RIMS2: variants seen among roughly 807,000 people sequenced by gnomAD.
The protein encoded by RIMS2 is regulating synaptic membrane exocytosis protein 2.
A neutral mutation model predicts 174.4 loss-of-function variants in RIMS2; 59 were observed. The observed-to-expected ratio is 0.34, with a 90% CI of 0.27 to 0.42. The LOEUF is 0.42. Among genes scored for constraint, RIMS2 ranks in the 10% least tolerant of loss-of-function variants. The probability of loss-of-function intolerance (pLI) is 1.00; values close to 1 mark genes in which losing one functional copy is unlikely to be tolerated. For missense variants in RIMS2, 1,620 were observed against 1,666.3 expected (o/e 0.97, Z 0.48); for synonymous variants, 606 against 572.5 (o/e 1.06, Z -0.84).
chr8:103,583,730 A>T (rs1257399802), intron 1 of RIMS2, among the ~76,000 whole-genome samples: 2 of 152,180 alleles, frequency 1.3e-5, no homozygotes, highest in African/African-American at 4.8e-5. Context: ...GACAAAATAG[A>T]AAAGAAAAAC....
intron 19 of RIMS2, among the ~76,000 whole-genome samples, chr8:104,148,169 C>CTTTTTT (rs60928884): frequency 8.6e-6 from 1 of 116,384 alleles, no homozygotes; most frequent in Admixed American, 8.9e-5. Context: ...TATTATCAGC[C>CTTTTTT]TTTTTTTTTT....
intron 2 of RIMS2, among the ~76,000 whole-genome samples, chr8:103,763,004 A>G (rs1591870315): frequency 6.6e-6 from 1 of 152,170 alleles, no homozygotes; most frequent in Non-Finnish European, 1.5e-5. Flanking sequence ...TGACTGAACT[A>G]TTGTTATGCA....
intron 3 of RIMS2, among the ~76,000 whole-genome samples, chr8:103,870,508 A>G (rs1055892418): frequency 1.3e-5 from 2 of 152,154 alleles, no homozygotes; most frequent in African/African-American, 4.8e-5. Context: ...TCTGCCATGT[A>G]GACTTTTATT....
chr8:104,121,678 A>G (rs1414863325), intron 19 of RIMS2, among the ~76,000 whole-genome samples: 2 of 152,168 alleles, frequency 1.3e-5, no homozygotes, highest in Non-Finnish European at 1.5e-5. Context: ...TAATAAAATA[A>G]TGGCTGAGCG....
rs571298741 is a variant in RIMS2, at chr8:104,141,504, T to C, written c.3335-103412T>C. Among the ~76,000 whole-genome samples the C allele has an allele frequency of 7.2e-5, 11 of 152,344 alleles. No homozygotes were observed. In the South Asian group the frequency reaches 2.3e-3, roughly 32 times the overall value. ...GATGTTGTATTTGGAGACATAATAC[T>C]GAGCTGAATCCCAAGTCTCCTGATA... is the stretch of plus-strand genomic sequence containing the variant. On this transcript the variant is annotated intron_variant, in intron 19 of 23. Coordinates refer to ENST00000504942, the Ensembl canonical transcript of RIMS2.
intron 2 of RIMS2, among the ~76,000 whole-genome samples, chr8:103,754,448 C>T (rs927716429): frequency 2.0e-5 from 3 of 152,134 alleles, no homozygotes. Context: ...ATTAAGTCCG[C>T]TTGGTGCAGA....
intron 1 of RIMS2, among the ~76,000 whole-genome samples, chr8:103,530,643 A>G (rs370375065): frequency 1.3e-5 from 2 of 152,222 alleles, no homozygotes; most frequent in African/African-American, 4.8e-5. Flanking sequence ...TAGAATTTAA[A>G]GCAAAAATAT....
At chr8:104,004,832 A>T (rs907054410) in intron 17 of RIMS2, among the ~76,000 whole-genome samples, 1 of 152,144 alleles carries the variant, frequency 6.6e-6, no homozygotes, top group Non-Finnish European at 1.5e-5. Context: ...CAGGAAGAAA[A>T]TAGATGGGAG....
chr8:103,695,628 T>C (rs2097091446), intron 1 of RIMS2, among the ~76,000 whole-genome samples: 2 of 151,210 alleles, frequency 1.3e-5, no homozygotes, highest in East Asian at 3.9e-4. Context: ...TCTGGAAAAG[T>C]TTTTATTTTT....
At chr8:104,125,365 TATG>T (rs1304247093) in intron 19 of RIMS2, among the ~76,000 whole-genome samples, 1 of 152,216 alleles carries the variant, frequency 6.6e-6, no homozygotes, top group African/African-American at 2.4e-5. Flanking sequence ...CCTCAAGTTT[TATG>T]ATTTCTCAGT....
At chr8:103,533,782 G>A (rs1039711787) in intron 1 of RIMS2, among the ~76,000 whole-genome samples, 3 of 151,884 alleles carry the variant, frequency 2.0e-5, no homozygotes, top group African/African-American at 7.2e-5. Context: ...AAGGTGTTTA[G>A]AGCTTATGGT....
At chr8:104,177,238 AG>A (rs1187046713) in intron 19 of RIMS2, among the ~76,000 whole-genome samples, 2 of 152,156 alleles carry the variant, frequency 1.3e-5, no homozygotes, top group African/African-American at 4.8e-5. Context: ...TCAAGGTTTC[AG>A]AGTAATATTA....
rs1021370730 is a variant in RIMS2 at position 103,670,024 on chromosome 8, G to A, written c.177-27062G>A. ...TTCTTATGAGGGCCCTGCCCCTGCA[G>A]CAAACTTCTGCCTGGACATCTAGGC... is the stretch of plus-strand genomic sequence containing the variant. On this transcript the variant is annotated intron_variant, in intron 1 of 23. Transcript: ENST00000504942. Among the ~76,000 whole-genome samples the A allele has an allele frequency of 5.3e-5, 8 of 152,244 alleles. 1 individual carries two copies. Among genetic ancestry groups the A allele is most frequent in the Middle Eastern group, 3.2e-3 (1 of 316 alleles).
At chr8:104,039,706 A>T (rs2096577245) in intron 19 of RIMS2, among the ~76,000 whole-genome samples, 1 of 151,838 alleles carries the variant, frequency 6.6e-6, no homozygotes, top group Non-Finnish European at 1.5e-5. Context: ...ACAATGCAAC[A>T]TACGAAAGTC....
intron 13 of RIMS2, among the ~76,000 whole-genome samples, chr8:103,937,864 A>G (rs2081618412): frequency 6.6e-6 from 1 of 152,152 alleles, no homozygotes; most frequent in African/African-American, 2.4e-5. Flanking sequence ...CTAATAACCA[A>G]TTATCTCTTT....
intron 1 of RIMS2, among the ~76,000 whole-genome samples, chr8:103,579,668 A>G (rs530569180): frequency 6.6e-6 from 1 of 152,324 alleles, no homozygotes; most frequent in Non-Finnish European, 1.5e-5. Context: ...GTTTTTTATA[A>G]GCTTCATGGT....
chr8:103,953,617 G>A (rs2086147203), intron 14 of RIMS2, among the ~76,000 whole-genome samples: 1 of 152,112 alleles, frequency 6.6e-6, no homozygotes, highest in Non-Finnish European at 1.5e-5. Context: ...AACATGGAAA[G>A]GAACAACCGA....
At chr8:103,500,681 G>A, upstream of RIMS2, 1 of 485,382 alleles carries the variant, frequency 2.1e-6, no homozygotes, top group Non-Finnish European at 3.6e-6. Context: ...TTCCCGAAGC[G>A]CACTCCTCAG....
intron 3 of RIMS2, among the ~76,000 whole-genome samples, chr8:103,803,071 A>C (rs1348937076): frequency 6.6e-6 from 1 of 152,028 alleles, no homozygotes; most frequent in Non-Finnish European, 1.5e-5. Context: ...ATAGATAAGC[A>C]ATCCCTGCTC....
Sources: allele counts gnomAD v4.1 joint callset (sites outside exome capture counted in the v4.1 genomes callset), GRCh38; gene constraint gnomAD v4.1.1; transcripts MANE v1.5; gene names NCBI Gene and HGNC (gene_info 2026-07-23, HGNC 2026-07-21).